The following ELMO1 variants were observed in gnomAD, a reference collection of about 807,000 sequenced individuals.
ELMO1 encodes the protein engulfment and cell motility protein 1.
Under a neutral mutation model 98.9 loss-of-function variants are expected in ELMO1, and 26 were observed. That is an observed-to-expected ratio of 0.26 (90% CI 0.19 to 0.36). ELMO1 has a LOEUF of 0.36. Among genes scored for constraint, ELMO1 ranks in the 10% least tolerant of loss-of-function variants. ELMO1 has a pLI of 1.00. For synonymous variants in ELMO1, 346 were observed against 346.0 expected (o/e 1.00, Z 0.00); for missense variants, 627 against 935.2 (o/e 0.67, Z 4.30).
In ELMO1 at chr7:37,127,713, T is replaced by A. The variant is rs137886457; in HGVS notation, c.1191+5417A>T. 2.0e-5 allele frequency among the ~76,000 whole-genome samples: 3 copies of A among 152,294 alleles called. No homozygotes were observed. In the East Asian group the frequency reaches 5.8e-4, roughly 29 times the overall value. ...TCACCCTATCTGCTAGTCATAGCCT[T>A]TTTCTTAAGTATTTCTTATTATTCC... On this transcript the variant is annotated intron_variant, in intron 14 of 21. Transcript: ENST00000310758.
At chr7:37,204,384 G>GC in intron 13 of ELMO1, 1 of 360,764 alleles carries the variant, frequency 2.8e-6, no homozygotes, top group Non-Finnish European at 5.5e-6. Context: ...GAGTGTTACA[G>GC]TTCATAAAGG....
intron 1 of ELMO1, among the ~76,000 whole-genome samples, chr7:37,354,629 C>T (rs1391813349): frequency 1.3e-5 from 2 of 149,526 alleles, no homozygotes; most frequent in Non-Finnish European, 3.0e-5. Context: ...TTCTGGTTTT[C>T]TGGATATTTG....
rs371125708 is a variant in ELMO1, at chr7:36,992,345, C to A, written c.1437+20954G>T. 7.2e-5 allele frequency among the ~76,000 whole-genome samples: 11 copies of A among 152,272 alleles called. No individual in the cohort carries two copies. In the South Asian group the frequency reaches 2.3e-3, roughly 32 times the overall value. On this transcript the variant is annotated intron_variant, in intron 16 of 21. Transcript: ENST00000310758. ...ATGGGCTGACCCAGAAGAGCATGGGCCTGAAGAACAAGGGCCAACATGATG... is the reference window on the plus strand; with the variant it reads ...ATGGGCTGACCCAGAAGAGCATGGGACTGAAGAACAAGGGCCAACATGATG...
At chr7:37,333,723 A>C (rs1800252044) in intron 2 of ELMO1, among the ~76,000 whole-genome samples, 1 of 152,246 alleles carries the variant, frequency 6.6e-6, no homozygotes, top group Non-Finnish European at 1.5e-5. Flanking sequence ...TTACATTACC[A>C]AATCTAAAAG....
chr7:37,319,219 C>A (rs1231714426), intron 2 of ELMO1, among the ~76,000 whole-genome samples: 1 of 152,140 alleles, frequency 6.6e-6, no homozygotes, highest in Non-Finnish European at 1.5e-5. Context: ...ACATTCCCTA[C>A]CCCTCAATCT....
intron 1 of ELMO1, among the ~76,000 whole-genome samples, chr7:37,390,682 T>C (rs75134714): frequency 0.014 from 2,080 of 152,288 alleles, 46 homozygotes; most frequent in African/African-American, 0.048. Context: ...AGAGTTCATA[T>C]AGGGCTTATG....
chr7:36,875,116 G>A (rs527369668), intron 19 of ELMO1, among the ~76,000 whole-genome samples: 198 of 152,286 alleles, frequency 1.3e-3, no homozygotes, highest in African/African-American at 4.6e-3. Context: ...TTAATTAAAA[G>A]CACGTCTCAT....
chr7:37,383,878 C>G (rs575723779), intron 1 of ELMO1, among the ~76,000 whole-genome samples: 2 of 152,232 alleles, frequency 1.3e-5, no homozygotes, highest in Non-Finnish European at 2.9e-5. Context: ...TGCAGTGGCG[C>G]GATCTCGGCT....
At chr7:37,065,261 A>G (rs1281849734) in intron 15 of ELMO1, among the ~76,000 whole-genome samples, 1 of 150,422 alleles carries the variant, frequency 6.6e-6, no homozygotes. Flanking sequence ...GGATCCTCGC[A>G]CCTCAGCCTC....
At chr7:37,284,298 CAA>C (rs1417364779) in intron 4 of ELMO1, among the ~76,000 whole-genome samples, 1 of 152,112 alleles carries the variant, frequency 6.6e-6, no homozygotes, top group Non-Finnish European at 1.5e-5. Flanking sequence ...TTGCCATAAA[CAA>C]AGAGGAAACA....
At chr7:36,967,834 G>GA (rs1789580635) in intron 16 of ELMO1, among the ~76,000 whole-genome samples, 2 of 152,184 alleles carry the variant, frequency 1.3e-5, no homozygotes, top group South Asian at 4.1e-4. Flanking sequence ...CAGGGAAATG[G>GA]AAAGTAAACA....
At chr7:37,191,907 A>C (rs1791608038) in intron 13 of ELMO1, among the ~76,000 whole-genome samples, 1 of 121,290 alleles carries the variant, frequency 8.2e-6, no homozygotes, top group South Asian at 2.9e-4. Context: ...AAAGAGGAAG[A>C]CTCCATCACA....
intron 13 of ELMO1, among the ~76,000 whole-genome samples, chr7:37,191,472 G>A (rs1271647888): frequency 2.6e-5 from 4 of 151,880 alleles, no homozygotes; most frequent in Admixed American, 1.3e-4. Context: ...TATTTTGACC[G>A]ACCCAAGAAT....
chr7:37,188,984 T>C (rs1216150480), intron 13 of ELMO1, among the ~76,000 whole-genome samples: 2 of 152,234 alleles, frequency 1.3e-5, no homozygotes, highest in Non-Finnish European at 2.9e-5. Context: ...GAATTATATT[T>C]ATGTTATAAA....
At chr7:37,368,704 T>C (rs1373925460) in intron 1 of ELMO1, among the ~76,000 whole-genome samples, 1 of 152,224 alleles carries the variant, frequency 6.6e-6, no homozygotes, top group Non-Finnish European at 1.5e-5. Context: ...TGGGAGGCTT[T>C]ATCTGCATAA....
chr7:37,164,593 G>A (rs1428541146), intron 13 of ELMO1, among the ~76,000 whole-genome samples: 1 of 152,098 alleles, frequency 6.6e-6, no homozygotes, highest in African/African-American at 2.4e-5. Flanking sequence ...GTTAAATAGG[G>A]AATCCTTTCC....
At chr7:36,942,238 A>C (rs1273136281) in intron 16 of ELMO1, among the ~76,000 whole-genome samples, 1 of 152,176 alleles carries the variant, frequency 6.6e-6, no homozygotes, top group African/African-American at 2.4e-5. Context: ...AGTAAAGGCC[A>C]CTGGGAGGCA....
chr7:37,376,046 T>C lies in ELMO1; in HGVS notation c.-73-33283A>G, dbSNP rs922888669. The C allele has an allele frequency of 3.5e-5, 14 of 403,236 alleles. No individual in the cohort carries two copies. The Middle Eastern group carries it at 2.3e-3, about 66-fold the overall frequency. The allele number at this position is 403,236 out of a possible 1,614,324, so 25.0% of individuals were successfully genotyped here. A position where few individuals can be genotyped will look rare whatever the true frequency, so the allele number is the denominator to read the frequency against. ...TAAAACTGGAGAGGATTATTTCACA[T>C]TGAATAAACTTACAGCCAAAAAAAC... On this transcript the variant is annotated intron_variant, in intron 1 of 21. Coordinates refer to ENST00000310758, the MANE Select transcript of ELMO1 (RefSeq NM_014800.11).
At chr7:37,152,207 C>G (rs1357500533) in intron 13 of ELMO1, among the ~76,000 whole-genome samples, 1 of 152,142 alleles carries the variant, frequency 6.6e-6, no homozygotes, top group Admixed American at 6.5e-5. Context: ...CTAACATGAC[C>G]TTGGATATCA....
Sources: gnomAD v4.1 joint callset for allele counts (sites outside exome capture counted in the v4.1 genomes callset) on GRCh38, gnomAD v4.1.1 for gene constraint, MANE v1.5 for transcripts, NCBI Gene and HGNC (gene_info 2026-07-23, HGNC 2026-07-21) for gene names.